The following IL21R variants were observed in gnomAD, a reference collection of about 807,000 sequenced individuals.
IL21R encodes the protein interleukin-21 receptor.
In IL21R, 14 loss-of-function variants were observed where a neutral mutation model predicts 41.3. That is an observed-to-expected ratio of 0.34 (90% CI 0.22 to 0.53). The LOEUF (loss-of-function observed/expected upper bound fraction) is 0.53, where lower values mean the gene tolerates loss of function less well. Ranked by LOEUF, IL21R falls within the 20% of genes least tolerant of loss-of-function variation. IL21R has a pLI of 0.94. For missense variants in IL21R, 588 were observed against 681.6 expected (o/e 0.86, Z 1.53); for synonymous variants, 286 against 287.6 (o/e 0.99, Z 0.05).
intron 1 of IL21R, among the ~76,000 whole-genome samples, chr16:27,426,579 C>T (rs776485520): frequency 2.0e-4 from 30 of 152,350 alleles, no homozygotes; most frequent in African/African-American, 6.0e-4. Context: ...GCCGGGGAGA[C>T]GATGAGTAAT....
intron 1 of IL21R, among the ~76,000 whole-genome samples, chr16:27,403,947 C>A (rs2086700791): frequency 6.6e-6 from 1 of 152,192 alleles, no homozygotes; most frequent in Non-Finnish European, 1.5e-5. Context: ...TTAGTGGGGA[C>A]AACCTTGCCC....
In IL21R at chr16:27,449,440, G is replaced by C. The variant is rs2087551330; in HGVS notation, c.*157G>C. 1 of 690,398 alleles carries C rather than the reference G, an allele frequency of 1.4e-6. No homozygotes were observed. Among genetic ancestry groups the C allele is most frequent in the Admixed American group, 3.0e-5 (1 of 33,128 alleles). The allele number at this position is 690,398 out of a possible 1,614,324, so 42.8% of individuals were successfully genotyped here. A position where few individuals can be genotyped will look rare whatever the true frequency, so the allele number is the denominator to read the frequency against. ...AGTGTCTGTGTGTGTGTGTGCATAT[G>C]TGTGTGTGTGCATATGCATGTGTGT... On this transcript the variant is annotated 3_prime_UTR_variant, in exon 9 of 9. Coordinates refer to ENST00000337929, the MANE Select transcript of IL21R (RefSeq NM_181078.3).
At chr16:27,406,663 C>G (rs902876229) in intron 1 of IL21R, among the ~76,000 whole-genome samples, 2 of 151,938 alleles carry the variant, frequency 1.3e-5, no homozygotes, top group Non-Finnish European at 2.9e-5. Context: ...CTTCAGACAC[C>G]CATAACCCAC....
intron 8 of IL21R, among the ~76,000 whole-genome samples, chr16:27,446,296 G>A (rs2141313855): frequency 6.6e-6 from 1 of 152,302 alleles, no homozygotes; most frequent in East Asian, 1.9e-4. Flanking sequence ...AATTAAACAA[G>A]ATTTGACCAG....
chr16:27,448,453 A>G (rs2087524416), intron 8 of IL21R, 81 bp from the exon 9 acceptor site: 4 of 1,425,048 alleles, frequency 2.8e-6, no homozygotes, highest in Non-Finnish European at 3.8e-6. Context: ...AGACTGTCTC[A>G]AAAGAATAAA....
chr16:27,434,322 G>T, intron 2 of IL21R, 25 bp from the exon 3 acceptor site: 1 of 1,483,840 alleles, frequency 6.7e-7, no homozygotes, highest in South Asian at 1.1e-5. Flanking sequence ...CCCCACCAAG[G>T]CCTCTCTCCC....
chr16:27,448,441 C>G, intron 8 of IL21R, 93 bp from the exon 9 acceptor site: 4 of 1,337,528 alleles, frequency 3.0e-6, no homozygotes, highest in Non-Finnish European at 4.0e-6. Context: ...GGCAGCAGAG[C>G]CAGACTGTCT....
At position 27,433,582 on chromosome 16, in the gene IL21R, A is replaced by G. The variant is rs541434607; in HGVS notation, c.50-765A>G. On this transcript the variant is annotated intron_variant, in intron 2 of 8. Coordinates refer to ENST00000337929, the MANE Select transcript of IL21R (RefSeq NM_181078.3). ...ATTCCATTGATTTTGTCCACATTTA[A>G]CAAAATGTAGATGATGATTGCACCC... 2.0e-5 allele frequency among the ~76,000 whole-genome samples: 3 copies of G among 152,376 alleles called. No homozygotes were observed. The East Asian group carries it at 5.8e-4, about 29-fold the overall frequency.
intron 1 of IL21R, among the ~76,000 whole-genome samples, chr16:27,405,096 A>G (rs1324827223): frequency 6.6e-6 from 1 of 151,284 alleles, no homozygotes; most frequent in Non-Finnish European, 1.5e-5. Flanking sequence ...GCGGTGGCGC[A>G]ATCTCAACTC....
At chr16:27,432,246 C>A (rs2087187102) in intron 2 of IL21R, among the ~76,000 whole-genome samples, 1 of 152,238 alleles carries the variant, frequency 6.6e-6, no homozygotes, top group South Asian at 2.1e-4. Flanking sequence ...CATGCAGGCA[C>A]AGGCATGATC....
intron 1 of IL21R, among the ~76,000 whole-genome samples, chr16:27,420,606 T>TTGGAGAAA (rs1225933323): frequency 6.6e-6 from 1 of 152,240 alleles, no homozygotes; most frequent in Admixed American, 6.5e-5. Flanking sequence ...GATATCTTCT[T>TTGGAGAAA]TGGAGAAATG....
chr16:27,403,418 A>G (rs2086691477), intron 1 of IL21R, among the ~76,000 whole-genome samples: 1 of 152,176 alleles, frequency 6.6e-6, no homozygotes, highest in South Asian at 2.1e-4. Flanking sequence ...ATTCAAAGCC[A>G]GGAGGCTGCT....
chr16:27,406,102 G>A (rs1346406743), intron 1 of IL21R, among the ~76,000 whole-genome samples: 1 of 152,274 alleles, frequency 6.6e-6, no homozygotes, highest in African/African-American at 2.4e-5. Flanking sequence ...ACGAGGGCTT[G>A]CCAACTTTCC....
intron 4 of IL21R, among the ~76,000 whole-genome samples, chr16:27,440,277 A>AGAGC (rs1165810766): frequency 3.7e-5 from 5 of 136,690 alleles, no homozygotes; most frequent in Non-Finnish European, 7.7e-5. Flanking sequence ...AGAGAGAGAG[A>AGAGC]GAGCGAGCAA....
At chr16:27,424,247 G>A (rs772057912) in intron 1 of IL21R, among the ~76,000 whole-genome samples, 27 of 151,982 alleles carry the variant, frequency 1.8e-4, no homozygotes, top group Admixed American at 4.6e-4. Flanking sequence ...GCTAATTTTT[G>A]TATTTTTAGT....
intron 1 of IL21R, among the ~76,000 whole-genome samples, chr16:27,425,998 T>C (rs376363133): frequency 1.3e-5 from 2 of 152,262 alleles, no homozygotes; most frequent in East Asian, 3.8e-4. Flanking sequence ...TTTAGTTTTA[T>C]GGTAAGTTGA....
chr16:27,449,143 G>T lies in IL21R; in HGVS notation c.1477G>T (p.Gly493Cys). 1 of 1,613,312 alleles carries T rather than the reference G, an allele frequency of 6.2e-7. No individual in the cohort carries two copies. The highest frequency in any genetic ancestry group is 8.5e-7 in the Non-Finnish European group (1 of 1,180,028). ...CCTGGATATGGACACGTTTGACAGTGGCTTTGTGGGCTCTGACTGCAGCAG... is the reference window on the plus strand; with the variant it reads ...CCTGGATATGGACACGTTTGACAGTTGCTTTGTGGGCTCTGACTGCAGCAG... Reference protein sequence around the residue: ...AGLDMDTFDSGFVGSDCSSPV... With the variant: ...AGLDMDTFDSCFVGSDCSSPV... Residue 493 changes from glycine (G) to cysteine (C), a missense_variant, in exon 9 of 9, where the codon GGC becomes TGC. Physicochemically the swap from Gly to Cys is radical, Grantham distance 159 (BLOSUM62 -3). Coordinates refer to ENST00000337929, the MANE Select transcript of IL21R (RefSeq NM_181078.3).
At position 27,449,420 on chromosome 16, in the gene IL21R, C is replaced by CTG. The variant is rs376985254; in HGVS notation, c.*150_*151dup. The CTG allele has an allele frequency of 8.0e-5, 64 of 798,684 alleles. No homozygotes were observed. Among genetic ancestry groups the CTG allele is most frequent in the South Asian group, 4.4e-4 (24 of 54,134 alleles). 49.5% of individuals were successfully genotyped at this position (798,684 alleles called of 1,614,324 possible). On this transcript the variant is annotated 3_prime_UTR_variant, in exon 9 of 9. Coordinates refer to ENST00000337929, the MANE Select transcript of IL21R (RefSeq NM_181078.3). ...CCTTTGAGCCTGATGTTTACAGTGT[C>CTG]TGTGTGTGTGTGTGCATATGTGTGT...
intron 1 of IL21R, among the ~76,000 whole-genome samples, chr16:27,406,968 C>T (rs1395764016): frequency 6.6e-6 from 1 of 152,236 alleles, no homozygotes; most frequent in East Asian, 1.9e-4. Flanking sequence ...CACTGTCCTT[C>T]TCTGAAAGTT....
Sources: gnomAD v4.1 joint callset for allele counts (sites outside exome capture counted in the v4.1 genomes callset) on GRCh38, gnomAD v4.1.1 for gene constraint, MANE v1.5 for transcripts, NCBI Gene and HGNC (gene_info 2026-07-23, HGNC 2026-07-21) for gene names.